Variants in CTNNA3 observed in about 807,000 individuals in gnomAD.
CTNNA3 encodes the protein catenin alpha 3.
CTNNA3 carries 76 observed loss-of-function variants against 95.7 expected under a neutral mutation model. The ratio of observed to expected loss-of-function variants is 0.79; its 90% CI spans 0.66 to 0.96. CTNNA3 has a LOEUF of 0.96. CTNNA3 is among the 40% of genes least tolerant of loss of function. The pLI is 0.00. For synonymous variants in CTNNA3, 431 were observed against 374.4 expected (o/e 1.15, Z -1.74); for missense variants, 1,191 against 1,089.8 (o/e 1.09, Z -1.31).
Position 66,280,490 on chromosome 10 carries a change from A to G in CTNNA3, c.1864T>C (p.Cys622Arg), listed in dbSNP as rs1589025034. ...KIYDTIHDIR[C>R]SVMMIRTPEE... ...CTTACCCGAATCATCATGACTGAAC[A>G]TCTGATATCATGAATTGTATCATAG... Residue 622 changes from cysteine to arginine, a missense_variant, in exon 13 of 18, where the codon TGT becomes CGT. Cys to Arg is a radical substitution (Grantham distance 180). Transcript: ENST00000433211. 1 of 1,605,876 alleles carries G rather than the reference A, an allele frequency of 6.2e-7. No individual in the cohort carries two copies. The highest frequency in any genetic ancestry group is 2.3e-5 in the East Asian group (1 of 44,322).
intron 13 of CTNNA3, among the ~76,000 whole-genome samples, chr10:66,242,847 T>C (rs1180504489): frequency 6.6e-6 from 1 of 152,230 alleles, no homozygotes; most frequent in Non-Finnish European, 1.5e-5. Context: ...AGCATTGTTA[T>C]TCATAATAGT....
intron 7 of CTNNA3, among the ~76,000 whole-genome samples, chr10:66,850,089 T>C (rs1843430097): frequency 6.6e-6 from 1 of 152,176 alleles, no homozygotes; most frequent in African/African-American, 2.4e-5. Flanking sequence ...ATTTAGCTAC[T>C]ATTCTAACTA....
intron 7 of CTNNA3, among the ~76,000 whole-genome samples, chr10:66,957,620 A>G (rs1401874690): frequency 6.6e-6 from 1 of 151,732 alleles, no homozygotes; most frequent in African/African-American, 2.4e-5. Flanking sequence ...GAAACAGATG[A>G]TACACTCAAA....
intron 7 of CTNNA3, among the ~76,000 whole-genome samples, chr10:67,101,669 C>T (rs1346427652): frequency 6.6e-6 from 1 of 151,684 alleles, no homozygotes; most frequent in East Asian, 1.9e-4. Flanking sequence ...ATTTAACACT[C>T]AAGACTAATC....
chr10:67,107,340 C>A (rs1199824777), intron 7 of CTNNA3, among the ~76,000 whole-genome samples: 4 of 152,154 alleles, frequency 2.6e-5, no homozygotes, highest in Non-Finnish European at 5.9e-5. Flanking sequence ...ATTTTATCTT[C>A]TTTGAGGTGG....
chr10:66,868,187 T>C (rs1257073765), intron 7 of CTNNA3, among the ~76,000 whole-genome samples: 1 of 148,488 alleles, frequency 6.7e-6, no homozygotes, highest in Non-Finnish European at 1.5e-5. Context: ...TAAAACCCCA[T>C]CTCTACTAAA....
intron 3 of CTNNA3, among the ~76,000 whole-genome samples, chr10:67,567,635 G>A (rs1393188140): frequency 6.6e-6 from 1 of 152,122 alleles, no homozygotes; most frequent in African/African-American, 2.4e-5. Context: ...GAGCTTGAAT[G>A]TGCAGTCTAA....
chr10:65,998,005 ACT>A (rs1196463352), intron 15 of CTNNA3, among the ~76,000 whole-genome samples: 1 of 152,136 alleles, frequency 6.6e-6, no homozygotes, highest in Non-Finnish European at 1.5e-5. Flanking sequence ...ACAAGGTGAA[ACT>A]CTGTCTCAAA....
chr10:66,774,590 G>A (rs1041924745), intron 8 of CTNNA3, among the ~76,000 whole-genome samples: 7 of 151,874 alleles, frequency 4.6e-5, no homozygotes, highest in Admixed American at 3.3e-4. Flanking sequence ...CCAAATCTAC[G>A]TCCAAATTAA....
intron 17 of CTNNA3, 152 bp downstream of exon 17, chr10:65,966,460 C>G: frequency 5.8e-6 from 3 of 513,292 alleles, no homozygotes; most frequent in Non-Finnish European, 9.5e-6. Flanking sequence ...AGATTTCTTG[C>G]TAGTTTAAAT....
chr10:67,448,802 C>G (rs2132954313), intron 5 of CTNNA3, among the ~76,000 whole-genome samples: 1 of 148,708 alleles, frequency 6.7e-6, no homozygotes, highest in East Asian at 2.0e-4. Flanking sequence ...TAAAAAATTA[C>G]TATTTATTAT....
At chr10:67,607,506 G>T (rs1038775554) in intron 2 of CTNNA3, among the ~76,000 whole-genome samples, 1 of 152,096 alleles carries the variant, frequency 6.6e-6, no homozygotes, top group Admixed American at 6.5e-5. Flanking sequence ...TGCTGCCTTG[G>T]GGGTGTAAGA....
chr10:67,762,769 T>C (rs1841469063), intron 1 of CTNNA3, among the ~76,000 whole-genome samples: 1 of 152,180 alleles, frequency 6.6e-6, no homozygotes, highest in African/African-American at 2.4e-5. Flanking sequence ...CCCTGGTAGT[T>C]AAAGATCGAC....
At chr10:67,189,465 A>G (rs1282598216) in intron 6 of CTNNA3, among the ~76,000 whole-genome samples, 1 of 152,004 alleles carries the variant, frequency 6.6e-6, no homozygotes, top group African/African-American at 2.4e-5. Flanking sequence ...CTGAGAGTAG[A>G]TATTAAGTGT....
chr10:66,122,311 G>GA (rs954456567), intron 13 of CTNNA3, among the ~76,000 whole-genome samples: 3 of 151,716 alleles, frequency 2.0e-5, no homozygotes, highest in Non-Finnish European at 4.4e-5. Flanking sequence ...AATGTGAAGA[G>GA]AAAAAAAATT....
At chr10:67,582,908 C>T (rs1253388482) in intron 3 of CTNNA3, among the ~76,000 whole-genome samples, 5 of 151,858 alleles carry the variant, frequency 3.3e-5, no homozygotes, top group African/African-American at 1.2e-4. Context: ...TTTCCATTTG[C>T]TTGGTAGATC....
intron 13 of CTNNA3, among the ~76,000 whole-genome samples, chr10:66,177,467 A>G (rs2085772937): frequency 1.3e-5 from 2 of 152,056 alleles, no homozygotes. Context: ...TATTTTTTTC[A>G]GGGAAGAAAA....
intron 13 of CTNNA3, among the ~76,000 whole-genome samples, chr10:66,276,901 T>C (rs1167641871): frequency 6.6e-6 from 1 of 152,112 alleles, no homozygotes; most frequent in Non-Finnish European, 1.5e-5. Context: ...ACCATGTCTA[T>C]CTTACAAAGG....
At chr10:66,219,626 T>C (rs886792436) in intron 13 of CTNNA3, among the ~76,000 whole-genome samples, 2 of 152,044 alleles carry the variant, frequency 1.3e-5, no homozygotes, top group African/African-American at 4.8e-5. Flanking sequence ...TAAGTCTTTT[T>C]TTTTTCTTTT....
Sources: allele counts gnomAD v4.1 joint callset (sites outside exome capture counted in the v4.1 genomes callset), GRCh38; gene constraint gnomAD v4.1.1; transcripts MANE v1.5; gene names NCBI Gene and HGNC (gene_info 2026-07-23, HGNC 2026-07-21).